Variants in SUMF2 observed in about 807,000 individuals in gnomAD.
SUMF2 encodes the protein inactive C-alpha-formylglycine-generating enzyme 2.
SUMF2 carries 45 observed loss-of-function variants against 44.8 expected under a neutral mutation model. The observed-to-expected ratio is 1.00, with a 90% CI of 0.79 to 1.29. The LOEUF (loss-of-function observed/expected upper bound fraction) is 1.29. Ranked by LOEUF, SUMF2 falls within the 50% of genes most tolerant of loss-of-function variation. The probability of loss-of-function intolerance (pLI) is 0.00; values close to 1 mark genes in which losing one functional copy is unlikely to be tolerated. For missense variants in SUMF2, 418 were observed against 389.9 expected (o/e 1.07, Z -0.61); for synonymous variants, 148 against 150.4 (o/e 0.98, Z 0.12).
At position 56,080,154 on chromosome 7, in the gene SUMF2, T is replaced by A; in HGVS notation, c.*542T>A. 2.7e-6 allele frequency: 1 copy of A among 374,716 alleles called. No homozygotes were observed. Among genetic ancestry groups the A allele is most frequent in the Non-Finnish European group, 4.8e-6 (1 of 207,048 alleles). The allele number at this position is 374,716 out of a possible 1,614,324, so 23.2% of individuals were successfully genotyped here. ...AACTATTTAAAGCACAGTTCAGTCC[T>A]AAAAGGGTCTGGGAGAACCAGATGA... On this transcript the variant is annotated 3_prime_UTR_variant, in exon 9 of 9. Coordinates refer to ENST00000434526, the MANE Select transcript of SUMF2 (RefSeq NM_015411.4).
intron 2 of SUMF2, among the ~76,000 whole-genome samples, chr7:56,069,442 AAAAT>A (rs898972595): frequency 1.3e-5 from 2 of 151,996 alleles, no homozygotes; most frequent in African/African-American, 4.8e-5. Flanking sequence ...TATCTCTGCT[AAAAT>A]AAATAAATAA....
At chr7:56,071,096 G>A (rs1795125664) in intron 2 of SUMF2, among the ~76,000 whole-genome samples, 1 of 152,216 alleles carries the variant, frequency 6.6e-6, no homozygotes, top group Admixed American at 6.5e-5. Flanking sequence ...GCTGAGCACA[G>A]TGGCTCATGC....
In SUMF2 at chr7:56,079,597, G is replaced by T. The variant is rs529975935; in HGVS notation, c.891G>T (p.Pro297=). ...GCTGTGCTGCAGACGCAGGCCGGCC[G>T]CCAGGGGAGCTGTAAGCAGCCGGGT... is the stretch of plus-strand genomic sequence containing the variant. The part of the protein sequence containing the change: ...GFRCAADAGR[P]PGEL The change falls in exon 9 of 9, where the codon CCG becomes CCT. Residue 297 remains proline (P), a synonymous_variant. Coordinates refer to ENST00000434526, the MANE Select transcript of SUMF2 (RefSeq NM_015411.4). 3 of 1,614,204 alleles carry T rather than the reference G, an allele frequency of 1.9e-6. No homozygotes were observed. Among genetic ancestry groups the T allele is most frequent in the Non-Finnish European group, 2.5e-6 (3 of 1,180,050 alleles).
chr7:56,068,155 T>A (rs979291482), intron 1 of SUMF2, among the ~76,000 whole-genome samples: 31 of 147,196 alleles, frequency 2.1e-4, no homozygotes, highest in African/African-American at 7.7e-4. Context: ...TGCCTCAGCC[T>A]CCCAAGTAGC....
At chr7:56,068,747 G>A in intron 2 of SUMF2, 109 bp downstream of exon 2, 1 of 1,319,240 alleles carries the variant, frequency 7.6e-7, no homozygotes, top group Non-Finnish European at 1.0e-6. Context: ...TGTCACCCAG[G>A]TGCTGGAGTG....
intron 2 of SUMF2, among the ~76,000 whole-genome samples, chr7:56,069,339 T>C (rs1291663197): frequency 1.3e-5 from 2 of 151,938 alleles, no homozygotes; most frequent in Non-Finnish European, 2.9e-5. Flanking sequence ...GTGTGCTGGC[T>C]CACACCTGCA....
intron 1 of SUMF2, among the ~76,000 whole-genome samples, chr7:56,065,832 C>T (rs557236899): frequency 5.9e-5 from 9 of 151,962 alleles, no homozygotes; most frequent in African/African-American, 2.2e-4. Flanking sequence ...CTTGAAATCC[C>T]AGCACTTTAA....
downstream of SUMF2, chr7:56,083,672 T>C: frequency 6.3e-7 from 1 of 1,585,938 alleles, no homozygotes; most frequent in Non-Finnish European, 8.6e-7. Flanking sequence ...TCACTCAAGG[T>C]GACCTTCTCA....
At chr7:56,083,363 C>T, downstream of SUMF2, 2 of 1,614,148 alleles carry the variant, frequency 1.2e-6, no homozygotes, top group Non-Finnish European at 8.5e-7. Flanking sequence ...AGAGAATGTT[C>T]TCGGGCTTCA....
chr7:56,074,720 C>T lies in SUMF2; in HGVS notation c.519C>T (p.Ala173=), dbSNP rs2117462195. The T allele has an allele frequency of 1.9e-5, 30 of 1,614,106 alleles. No individual in the cohort carries two copies. The highest frequency in any genetic ancestry group is 2.5e-5 in the Non-Finnish European group (30 of 1,180,028). ...CGGAGGAAGAGTGGGAGTTTGCCGC[C>T]CGAGGGGGCTTGAAGGGTATCCAGA... ...LPTEEEWEFA[A]RGGLKGQVYP... Residue 173 remains alanine, a synonymous_variant, in exon 5 of 9, where the codon GCC becomes GCT. Transcript: ENST00000434526.
intron 1 of SUMF2, among the ~76,000 whole-genome samples, 161 bp from the exon 2 acceptor site, chr7:56,068,321 C>T (rs1794945981): frequency 6.6e-6 from 1 of 152,088 alleles, no homozygotes; most frequent in South Asian, 2.1e-4. Context: ...AGGTGTGAGC[C>T]ACCGTGCCCA....
intron 2 of SUMF2, among the ~76,000 whole-genome samples, chr7:56,070,388 G>A (rs1385961466): frequency 1.3e-5 from 2 of 151,976 alleles, no homozygotes; most frequent in African/African-American, 4.8e-5. Context: ...CAATTTGGGA[G>A]GCTGAGGTGG....
chr7:56,073,784 G>T, intron 3 of SUMF2: 1 of 208,034 alleles, frequency 4.8e-6, no homozygotes, highest in Non-Finnish European at 9.7e-6. Flanking sequence ...GCCGAGGTGG[G>T]ACAATTGCTT....
rs951503234 is a variant in SUMF2 at position 56,074,289 on chromosome 7, C to T, written c.384+71C>T. On this transcript the variant is annotated intron_variant, in intron 4 of 8. Transcript: ENST00000434526. ...TTATTCTCCAGGCCCAGCCTCCTCTCTACCCCTCGTACATCCAGGAACACT... is the reference window on the plus strand; with the variant it reads ...TTATTCTCCAGGCCCAGCCTCCTCTTTACCCCTCGTACATCCAGGAACACT... 8 of 1,460,242 alleles carry T rather than the reference C, an allele frequency of 5.5e-6. No homozygotes were observed. In the African/African-American group the frequency reaches 8.4e-5, roughly 15 times the overall value. 90.5% of individuals were successfully genotyped at this position (1,460,242 alleles called of 1,614,324 possible).
At chr7:56,084,360 G>T, downstream of SUMF2, 3 of 543,880 alleles carry the variant, frequency 5.5e-6, no homozygotes, top group South Asian at 2.3e-5. Context: ...AGAAGGACGT[G>T]AGTATCCCGA....
At chr7:56,076,112 C>T (rs376060456) in intron 5 of SUMF2, among the ~76,000 whole-genome samples, 5 of 151,570 alleles carry the variant, frequency 3.3e-5, no homozygotes, top group Admixed American at 6.6e-5. Flanking sequence ...CTGCAAGCTC[C>T]GCCTCCCGGG....
chr7:56,068,364 C>G, intron 1 of SUMF2, 118 bp from the exon 2 acceptor site: 9 of 1,032,902 alleles, frequency 8.7e-6, no homozygotes, highest in Non-Finnish European at 1.1e-5. Context: ...GATTTTTAAG[C>G]CTCCACATTT....
At chr7:56,064,427 C>T in intron 1 of SUMF2, 49 bp downstream of exon 1, 1 of 1,565,716 alleles carries the variant, frequency 6.4e-7, no homozygotes, top group Non-Finnish European at 8.7e-7. Flanking sequence ...GGGGATGGGG[C>T]GCTCCGCCCT....
chr7:56,076,947 C>T, intron 6 of SUMF2, 58 bp downstream of exon 6: 3 of 1,541,468 alleles, frequency 1.9e-6, no homozygotes, highest in Non-Finnish European at 2.7e-6. Context: ...GGAGGCTGGG[C>T]ACTGTGTTGT....
Sources: gnomAD v4.1 joint callset for allele counts (sites outside exome capture counted in the v4.1 genomes callset) on GRCh38, gnomAD v4.1.1 for gene constraint, MANE v1.5 for transcripts, NCBI Gene and HGNC (gene_info 2026-07-23, HGNC 2026-07-21) for gene names.